NCAPG2: variants seen among roughly 807,000 people sequenced by gnomAD.
NCAPG2 encodes the protein condensin-2 complex subunit G2.
A neutral mutation model predicts 141.1 loss-of-function variants in NCAPG2; 53 were observed. The ratio of observed to expected loss-of-function variants is 0.38; its 90% CI spans 0.30 to 0.47. The LOEUF is 0.47. NCAPG2 is among the 20% of genes least tolerant of loss of function. The pLI, the probability that NCAPG2 is intolerant of heterozygous loss-of-function variation, is 0.99. For synonymous variants in NCAPG2, 499 were observed against 490.7 expected (o/e 1.02, Z -0.22); for missense variants, 1,087 against 1,389.0 (o/e 0.78, Z 3.46).
At chr7:158,703,137 A>T (rs1421101580) in intron 1 of NCAPG2, among the ~76,000 whole-genome samples, 1 of 152,196 alleles carries the variant, frequency 6.6e-6, no homozygotes, top group Non-Finnish European at 1.5e-5. Flanking sequence ...CCACTCTGTG[A>T]TGTTCATGCA....
chr7:158,658,421 A>C lies in NCAPG2; in HGVS notation c.1990-13T>G. On this transcript the variant is annotated splice_polypyrimidine_tract_variant and intron_variant, in intron 16 of 27. Transcript: ENST00000356309. Reference sequence around the variant, plus strand: ...TGCAGCGATCATCCTAAAAGCGAAAAAAGAAAAACAAAACAAAGCATATGT... The same window carrying C: ...TGCAGCGATCATCCTAAAAGCGAAACAAGAAAAACAAAACAAAGCATATGT... The C allele has an allele frequency of 6.3e-7, 1 of 1,598,152 alleles. No homozygotes were observed. The highest frequency in any genetic ancestry group is 1.1e-5 in the South Asian group (1 of 88,768).
At chr7:158,691,570 G>A (rs559335535) in intron 4 of NCAPG2, among the ~76,000 whole-genome samples, 5 of 152,172 alleles carry the variant, frequency 3.3e-5, no homozygotes, top group African/African-American at 9.6e-5. Context: ...AATTACACTC[G>A]CACAGTGAAG....
At chr7:158,652,235 G>A in intron 23 of NCAPG2, 58 bp downstream of exon 23, 2 of 1,514,676 alleles carry the variant, frequency 1.3e-6, no homozygotes, top group South Asian at 2.3e-5. Context: ...ATCTGTGTAG[G>A]TGTAGCCAGC....
intron 27 of NCAPG2, among the ~76,000 whole-genome samples, chr7:158,637,857 C>A (rs1830392426): frequency 6.6e-6 from 1 of 152,054 alleles, no homozygotes; most frequent in Non-Finnish European, 1.5e-5. Context: ...AAATCCCTGA[C>A]ACTTGGCTGG....
intron 27 of NCAPG2, among the ~76,000 whole-genome samples, chr7:158,637,135 G>T (rs1277437765): frequency 6.6e-6 from 1 of 152,070 alleles, no homozygotes; most frequent in Non-Finnish European, 1.5e-5. Context: ...TTTTAGTAGA[G>T]ACGGGGTTTC....
intron 8 of NCAPG2, among the ~76,000 whole-genome samples, chr7:158,684,218 C>G (rs2129468075): frequency 6.6e-6 from 1 of 152,364 alleles, no homozygotes; most frequent in Non-Finnish European, 1.5e-5. Flanking sequence ...AGATACACAG[C>G]ACTACCTGGG....
intron 27 of NCAPG2, among the ~76,000 whole-genome samples, chr7:158,642,195 T>C (rs1017222126): frequency 6.6e-6 from 1 of 152,064 alleles, no homozygotes; most frequent in Admixed American, 6.6e-5. Context: ...TAAATAAAAA[T>C]GACAGCACAG....
chr7:158,681,015 A>G (rs1834422282), intron 9 of NCAPG2, among the ~76,000 whole-genome samples, 199 bp from the exon 10 acceptor site: 1 of 152,234 alleles, frequency 6.6e-6, no homozygotes, highest in Admixed American at 6.5e-5. Flanking sequence ...GTCAATCACA[A>G]GAAAGAATCT....
At position 158,645,501 on chromosome 7, in the gene NCAPG2, G is replaced by C. The variant is rs1302757829; in HGVS notation, c.3280+18C>G. The C allele has an allele frequency of 6.2e-7, 1 of 1,607,350 alleles. No individual in the cohort carries two copies. Among genetic ancestry groups the C allele is most frequent in the East Asian group, 2.2e-5 (1 of 44,848 alleles). Reference sequence around the variant, plus strand: ...TGCACCAGCCACCTTCCAGATGACAGAGGGGAATGTAACCAACCTGCATTA... The same window carrying C: ...TGCACCAGCCACCTTCCAGATGACACAGGGGAATGTAACCAACCTGCATTA... On this transcript the variant is annotated intron_variant, in intron 26 of 27. Transcript: ENST00000356309.
intron 27 of NCAPG2, 27 bp downstream of exon 27, chr7:158,644,262 C>G: frequency 6.5e-7 from 1 of 1,550,146 alleles, no homozygotes; most frequent in South Asian, 1.1e-5. Flanking sequence ...TTTAGATGAT[C>G]ACATCTGGTG....
intron 27 of NCAPG2, among the ~76,000 whole-genome samples, chr7:158,636,591 G>T (rs950108185): frequency 2.0e-5 from 3 of 151,742 alleles, no homozygotes; most frequent in African/African-American, 7.3e-5. Context: ...TAGTAGAGAC[G>T]GGGTTTCTCC....
In NCAPG2 at chr7:158,645,456, C is replaced by T; in HGVS notation, c.3280+63G>A. ...AGTGCAGGGGCTGATCCCCGGAATCCCATGACAGCACCTGTGAGGTGCACC... is the reference window on the plus strand; with the variant it reads ...AGTGCAGGGGCTGATCCCCGGAATCTCATGACAGCACCTGTGAGGTGCACC... On this transcript the variant is annotated intron_variant, in intron 26 of 27. Transcript: ENST00000356309. 7 of 1,451,790 alleles carry T rather than the reference C, an allele frequency of 4.8e-6. No homozygotes were observed. The South Asian group carries it at 8.0e-5, about 17-fold the overall frequency. 89.9% of individuals were successfully genotyped at this position (1,451,790 alleles called of 1,614,324 possible). A position where few individuals can be genotyped will look rare whatever the true frequency, so the allele number is the denominator to read the frequency against.
At chr7:158,669,485 G>A (rs893987962) in intron 13 of NCAPG2, among the ~76,000 whole-genome samples, 9 of 152,002 alleles carry the variant, frequency 5.9e-5, no homozygotes, top group Non-Finnish European at 8.8e-5. Flanking sequence ...ATGCTTGGCC[G>A]GGCGCAGTGG....
At chr7:158,700,900 T>C (rs1482916795) in intron 2 of NCAPG2, among the ~76,000 whole-genome samples, 4 of 152,226 alleles carry the variant, frequency 2.6e-5, no homozygotes. Flanking sequence ...TAGGCCCTTT[T>C]ATCTGAAACT....
Position 158,687,361 on chromosome 7 carries a change from G to A in NCAPG2, c.754C>T (p.Gln252Ter). 1.2e-6 allele frequency: 2 copies of A among 1,608,994 alleles called. No individual in the cohort carries two copies. The highest frequency in any genetic ancestry group is 1.7e-6 in the Non-Finnish European group (2 of 1,176,970). Residue 252 changes from glutamine to a stop codon, truncating the protein, a stop_gained, in exon 7 of 28, where the codon CAG becomes TAG. Transcript: ENST00000356309. LOFTEE classifies it high-confidence loss of function. The stretch of plus-strand genomic sequence containing the variant: ...TTTAACACTTACTTTTGTAATCCCT[G>A]TAACTGGTTTTTAATGGTCCCGTGG... ...MIHGTIKNQL[Q>*]GLQKSLMVYI...
At chr7:158,637,396 G>GT (rs949082551) in intron 27 of NCAPG2, among the ~76,000 whole-genome samples, 2 of 135,646 alleles carry the variant, frequency 1.5e-5, no homozygotes, top group African/African-American at 5.5e-5. Context: ...TCACCGTGGG[G>GT]TGCTGGAAGG....
At chr7:158,643,760 G>A (rs1830804918) in intron 27 of NCAPG2, among the ~76,000 whole-genome samples, 1 of 152,188 alleles carries the variant, frequency 6.6e-6, no homozygotes, top group Non-Finnish European at 1.5e-5. Flanking sequence ...TCAAAACCGA[G>A]TCTATAGTAA....
chr7:158,686,091 T>G, intron 8 of NCAPG2, 81 bp downstream of exon 8: 1 of 865,392 alleles, frequency 1.2e-6, no homozygotes, highest in Non-Finnish European at 1.8e-6. Context: ...ACATGGATCT[T>G]AAATAACCCT....
chr7:158,637,557 G>C (rs1830352294), intron 27 of NCAPG2, among the ~76,000 whole-genome samples: 1 of 152,308 alleles, frequency 6.6e-6, no homozygotes, highest in African/African-American at 2.4e-5. Context: ...ACTCAAGAGA[G>C]TAGGCTTTCC....
Sources: gnomAD v4.1 joint callset for allele counts (sites outside exome capture counted in the v4.1 genomes callset) on GRCh38, gnomAD v4.1.1 for gene constraint, MANE v1.5 for transcripts, NCBI Gene and HGNC (gene_info 2026-07-23, HGNC 2026-07-21) for gene names.